MAP4: variants seen among roughly 807,000 people sequenced by gnomAD.
MAP4 encodes microtubule-associated protein 4.
A neutral mutation model predicts 170.2 loss-of-function variants in MAP4; 76 were observed. The observed-to-expected ratio is 0.45, with a 90% CI of 0.37 to 0.54. The LOEUF (loss-of-function observed/expected upper bound fraction) is 0.54, where lower values mean the gene tolerates loss of function less well. Ranked by LOEUF, MAP4 falls within the 20% of genes least tolerant of loss-of-function variation. The pLI is 0.00. For missense variants in MAP4, 2,506 were observed against 2,748.0 expected, an observed-to-expected ratio of 0.91 and a Z score of 1.97; for synonymous variants, 909 against 994.5, an observed-to-expected ratio of 0.91 and a Z score of 1.62.
chr3:47,950,208 C>G (rs2100062815), intron 3 of MAP4, among the ~76,000 whole-genome samples: 1 of 152,200 alleles, frequency 6.6e-6, no homozygotes, highest in African/African-American at 2.4e-5. Context: ...GTTCTCTTTA[C>G]CCTTTAATGG....
intron 3 of MAP4, among the ~76,000 whole-genome samples, chr3:47,941,578 CCAG>C (rs2100056437): frequency 1.3e-5 from 2 of 151,268 alleles, no homozygotes; most frequent in Admixed American, 1.3e-4. Context: ...GAGTTCGAGA[CCAG>C]CCTGGCTAAC....
intron 10 of MAP4, among the ~76,000 whole-genome samples, chr3:47,898,781 CA>C (rs1048884918): frequency 6.6e-6 from 1 of 151,624 alleles, no homozygotes; most frequent in Non-Finnish European, 1.5e-5. Context: ...CACATCTATA[CA>C]AAAAAAATAA....
At position 47,870,951 on chromosome 3, in the gene MAP4, C is replaced by T. The variant is rs908763128; in HGVS notation, c.6156G>A (p.Lys2052=). The change falls in exon 15 of 21, where the codon AAG becomes AAA. Residue 2052 remains lysine (K), a synonymous_variant. Transcript: ENST00000683076. ...TGGAGCTGGGTTTGGCCGAGGTGGGCTTCTTGTCTATGAAAGGAGTTGTGG... is the reference window on the plus strand; with the variant it reads ...TGGAGCTGGGTTTGGCCGAGGTGGGTTTCTTGTCTATGAAAGGAGTTGTGG... ...RPSTTPFIDK[K]PTSAKPSSTT... 3 of 1,613,972 alleles carry T rather than the reference C, an allele frequency of 1.9e-6. No homozygotes were observed. Among genetic ancestry groups the T allele is most frequent in the African/African-American group, 2.7e-5 (2 of 74,924 alleles).
At chr3:47,880,188 G>A (rs902554451) in intron 10 of MAP4, among the ~76,000 whole-genome samples, 14 of 150,754 alleles carry the variant, frequency 9.3e-5, no homozygotes, top group African/African-American at 3.2e-4. Flanking sequence ...TGCAAGCTCC[G>A]CCTCCTGCCA....
intron 1 of MAP4, among the ~76,000 whole-genome samples, chr3:48,050,931 A>C (rs1207667341): frequency 6.6e-6 from 1 of 151,902 alleles, no homozygotes; most frequent in African/African-American, 2.4e-5. Flanking sequence ...GCAGAAAGCC[A>C]AAACTATTCT....
In MAP4 at chr3:47,916,291, T is replaced by C. The variant is rs745927540; in HGVS notation, c.1536A>G (p.Thr512=). 3.7e-6 allele frequency: 6 copies of C among 1,614,250 alleles called. No individual in the cohort carries two copies. The South Asian group carries it at 6.6e-5, about 18-fold the overall frequency. The change falls in exon 7 of 21, where the codon ACA becomes ACG. Residue 512 remains threonine (T), a synonymous_variant. Transcript: ENST00000683076. ...TCACATCCTTGCCCAGAGCCATTTC[T>C]GTTTCTGATAGTGGAGACATGTCCT... The part of the protein sequence containing the change: ...LLKDMSPLSE[T]EMALGKDVTP...
intron 1 of MAP4, among the ~76,000 whole-genome samples, chr3:48,031,376 CCT>C (rs1015976748): frequency 1.3e-5 from 2 of 152,222 alleles, no homozygotes; most frequent in Admixed American, 6.5e-5. Context: ...ATGGTGAAAC[CCT>C]GTCTCTACTA....
At chr3:48,070,426 CTT>C (rs1559897856) in intron 1 of MAP4, among the ~76,000 whole-genome samples, 1 of 151,786 alleles carries the variant, frequency 6.6e-6, no homozygotes, top group Non-Finnish European at 1.5e-5. Flanking sequence ...TAATTTTACT[CTT>C]GGCCTTTTTT....
intron 1 of MAP4, among the ~76,000 whole-genome samples, chr3:48,001,802 G>C (rs1197126709): frequency 6.6e-6 from 1 of 152,022 alleles, no homozygotes; most frequent in Non-Finnish European, 1.5e-5. Flanking sequence ...CGCCCAGCCT[G>C]CTTACTTTTC....
chr3:47,964,597 C>T (rs1333224082), intron 3 of MAP4, among the ~76,000 whole-genome samples: 4 of 152,100 alleles, frequency 2.6e-5, no homozygotes, highest in South Asian at 4.1e-4. Context: ...ATTTCAAGCT[C>T]GAATTTCAAA....
At chr3:47,935,923 A>C (rs2100052493) in intron 3 of MAP4, among the ~76,000 whole-genome samples, 1 of 146,218 alleles carries the variant, frequency 6.8e-6, no homozygotes, top group Non-Finnish European at 1.5e-5. Context: ...GCAGTGACGT[A>C]GTGAGACTTA....
chr3:47,868,598 C>T (rs114181240), intron 16 of MAP4, among the ~76,000 whole-genome samples: 338 of 152,278 alleles, frequency 2.2e-3, no homozygotes, highest in African/African-American at 7.9e-3. Context: ...CAGGAGGGGC[C>T]TGGTTTCCAG....
intron 8 of MAP4, among the ~76,000 whole-genome samples, chr3:47,913,979 T>G (rs1224823596): frequency 6.6e-6 from 1 of 152,186 alleles, no homozygotes; most frequent in African/African-American, 2.4e-5. Context: ...TAATGAAAAT[T>G]AGAATTATCT....
chr3:48,078,766 A>G (rs900366504), intron 1 of MAP4, among the ~76,000 whole-genome samples: 3 of 152,150 alleles, frequency 2.0e-5, no homozygotes, highest in Non-Finnish European at 4.4e-5. Context: ...TGTTCTTCCC[A>G]TAAGAAAATG....
intron 10 of MAP4, among the ~76,000 whole-genome samples, chr3:47,901,212 A>G (rs2100029788): frequency 6.6e-6 from 1 of 152,142 alleles, no homozygotes; most frequent in African/African-American, 2.4e-5. Context: ...TCACACTTCT[A>G]TCCTTTTTCA....
intron 17 of MAP4, among the ~76,000 whole-genome samples, chr3:47,862,709 C>A (rs1437157916): frequency 6.6e-6 from 1 of 152,106 alleles, no homozygotes; most frequent in African/African-American, 2.4e-5. Flanking sequence ...GATCTCCTGA[C>A]CTCATGATCC....
In MAP4 at chr3:48,080,079, G is replaced by A. The variant is rs2100145872; in HGVS notation, c.-20+8694C>T. 2.6e-5 allele frequency among the ~76,000 whole-genome samples: 4 copies of A among 152,142 alleles called. No individual in the cohort carries two copies. The South Asian group carries it at 8.3e-4, about 31-fold the overall frequency. On this transcript the variant is annotated intron_variant, in intron 1 of 18. Coordinates refer to the MAP4 transcript ENST00000360240. ...CACTAGTGTGGAAAAGAAAAAGGTG[G>A]GACAAAATAACTGTCATTGAATAGG... is the stretch of plus-strand genomic sequence containing the variant.
chr3:48,001,787 C>T (rs548778924), intron 1 of MAP4, among the ~76,000 whole-genome samples: 1 of 152,248 alleles, frequency 6.6e-6, no homozygotes, highest in South Asian at 2.1e-4. Context: ...AGGTGTGAGC[C>T]CCTGCGCCCA....
intron 1 of MAP4, among the ~76,000 whole-genome samples, chr3:48,000,206 C>A (rs1352166417): frequency 5.5e-5 from 7 of 126,348 alleles, no homozygotes; most frequent in African/African-American, 1.2e-4. Flanking sequence ...CAGAGGAAGT[C>A]TCCGACTCCC....
Sources: allele counts gnomAD v4.1 joint callset (sites outside exome capture counted in the v4.1 genomes callset), GRCh38; gene constraint gnomAD v4.1.1; transcripts MANE v1.5; gene names NCBI Gene and HGNC (gene_info 2026-07-23, HGNC 2026-07-21).